The following CBFB variants were observed in gnomAD, a reference collection of about 807,000 sequenced individuals.
The protein encoded by CBFB is CBF-beta.
Under a neutral mutation model 30.4 loss-of-function variants are expected in CBFB, and 9 were observed. The ratio of observed to expected loss-of-function variants is 0.30; its 90% CI spans 0.18 to 0.52. The LOEUF (loss-of-function observed/expected upper bound fraction) is 0.52, where lower values mean the gene tolerates loss of function less well. CBFB is among the 20% of genes least tolerant of loss of function. CBFB has a pLI of 0.97. For missense variants in CBFB, 170 were observed against 244.0 expected (o/e 0.70, Z 2.02); for synonymous variants, 94 against 84.0 (o/e 1.12, Z -0.65).
chr16:67,095,388 G>A lies in CBFB; in HGVS notation c.496-3322G>A, dbSNP rs1425130604. Reference sequence around the variant, plus strand: ...AAAAATTAGCCAGGTGTGGTGCTGCGTGCCTGTAGTTCCAGCTACTTGGGA... The same window carrying A: ...AAAAATTAGCCAGGTGTGGTGCTGCATGCCTGTAGTTCCAGCTACTTGGGA... On this transcript the variant is annotated intron_variant, in intron 5 of 5. Coordinates refer to ENST00000412916, the MANE Select transcript of CBFB (RefSeq NM_022845.3). Among the ~76,000 whole-genome samples the A allele has an allele frequency of 3.9e-5, 6 of 151,936 alleles. 1 individual carries two copies. The South Asian group carries it at 1.0e-3, about 26-fold the overall frequency.
intron 5 of CBFB, among the ~76,000 whole-genome samples, chr16:67,083,441 G>A (rs1236262097): frequency 3.3e-5 from 5 of 151,706 alleles, no homozygotes; most frequent in African/African-American, 9.7e-5. Context: ...GATTACAGGC[G>A]CACACCACCA....
intron 3 of CBFB, among the ~76,000 whole-genome samples, chr16:67,048,358 A>G (rs1966668038): frequency 6.6e-6 from 1 of 152,228 alleles, no homozygotes; most frequent in Admixed American, 6.5e-5. Context: ...GATATGAAGA[A>G]AAAAAGAAAA....
At chr16:67,036,884 A>C in intron 3 of CBFB, 129 bp downstream of exon 3, 1 of 645,578 alleles carries the variant, frequency 1.5e-6, no homozygotes, top group South Asian at 2.0e-5. Context: ...TTTTCATTCC[A>C]TGTTATAAGG....
In CBFB at chr16:67,098,918, A is replaced by T; in HGVS notation, c.*140A>T. On this transcript the variant is annotated 3_prime_UTR_variant, in exon 6 of 6. Transcript: ENST00000412916. The stretch of plus-strand genomic sequence containing the variant: ...TTCTCAACCTTAGGCAGTAATAGAC[A>T]TCACAAACTGCCATGGTTTTGCACT... The T allele has an allele frequency of 1.7e-6, 1 of 582,784 alleles. No homozygotes were observed. 36.1% of individuals were successfully genotyped at this position (582,784 alleles called of 1,614,324 possible).
chr16:67,081,821 C>CTT (rs576128198), intron 4 of CBFB, among the ~76,000 whole-genome samples: 6 of 142,496 alleles, frequency 4.2e-5, no homozygotes, highest in African/African-American at 1.3e-4. Flanking sequence ...GATGCTGTTT[C>CTT]TTTTTTTTTT....
intron 4 of CBFB, among the ~76,000 whole-genome samples, chr16:67,072,418 A>G (rs1961249716): frequency 6.6e-6 from 1 of 150,904 alleles, no homozygotes; most frequent in African/African-American, 2.4e-5. Flanking sequence ...TGTATCTAAT[A>G]TTTTTCTGAA....
At chr16:67,090,151 G>T (rs940908059) in intron 5 of CBFB, among the ~76,000 whole-genome samples, 3 of 152,192 alleles carry the variant, frequency 2.0e-5, no homozygotes, top group Non-Finnish European at 4.4e-5. Context: ...GTAGTGACTA[G>T]AAGTGGGTAT....
At chr16:67,031,273 C>T (rs1597118432) in intron 2 of CBFB, among the ~76,000 whole-genome samples, 1 of 152,150 alleles carries the variant, frequency 6.6e-6, no homozygotes, top group Non-Finnish European at 1.5e-5. Flanking sequence ...GCTTTTAGCC[C>T]ACTTGCAAAT....
intron 3 of CBFB, among the ~76,000 whole-genome samples, chr16:67,053,140 T>A (rs76494751): frequency 0.035 from 5,272 of 152,192 alleles, 307 homozygotes; most frequent in African/African-American, 0.12. Flanking sequence ...TTTTATTTCC[T>A]GTGCATATAT....
chr16:67,082,155 A>T, intron 4 of CBFB, 58 bp from the exon 5 acceptor site: 1 of 1,371,174 alleles, frequency 7.3e-7, no homozygotes, highest in Non-Finnish European at 9.8e-7. Flanking sequence ...ACAAAACCCA[A>T]ATATTGTATT....
chr16:67,055,254 C>G (rs1209607688), intron 3 of CBFB, among the ~76,000 whole-genome samples: 1 of 148,976 alleles, frequency 6.7e-6, no homozygotes, highest in Non-Finnish European at 1.5e-5. Flanking sequence ...CTAATTTATT[C>G]TTAACAGAAG....
Position 67,082,221 on chromosome 16 carries a change from T to G in CBFB, c.408T>G (p.Asp136Glu). 1 of 1,593,320 alleles carries G rather than the reference T, an allele frequency of 6.3e-7. No individual in the cohort carries two copies. The highest frequency in any genetic ancestry group is 8.6e-7 in the Non-Finnish European group (1 of 1,166,680). The stretch of plus-strand genomic sequence containing the variant: ...TTCATGTATTCTGACAGCAGGAGGA[T>G]GCATTAGCACAACAGGCCTTTGAAG... ...EFDEERAQQE[D>E]ALAQQAFEEA... Residue 136 changes from aspartate to glutamate, a missense_variant, in exon 5 of 6, where the codon GAT becomes GAG. Coordinates refer to ENST00000412916, the MANE Select transcript of CBFB (RefSeq NM_022845.3).
At chr16:67,049,362 C>G (rs1480313968) in intron 3 of CBFB, among the ~76,000 whole-genome samples, 2 of 152,012 alleles carry the variant, frequency 1.3e-5, no homozygotes, top group African/African-American at 4.8e-5. Flanking sequence ...TGCCACCACA[C>G]CCGGCTGATT....
At chr16:67,056,586 A>G (rs993470672) in intron 3 of CBFB, among the ~76,000 whole-genome samples, 1 of 151,978 alleles carries the variant, frequency 6.6e-6, no homozygotes, top group Non-Finnish European at 1.5e-5. Flanking sequence ...CATTAACAGC[A>G]TAATGTAAAC....
chr16:67,040,543 A>G (rs189962412), intron 3 of CBFB, among the ~76,000 whole-genome samples: 6 of 152,288 alleles, frequency 3.9e-5, no homozygotes, highest in Non-Finnish European at 7.3e-5. Context: ...GTGTATGTAA[A>G]GTGTTTTGAC....
At chr16:67,073,351 AT>A (rs1317545367) in intron 4 of CBFB, among the ~76,000 whole-genome samples, 1 of 152,150 alleles carries the variant, frequency 6.6e-6, no homozygotes, top group Non-Finnish European at 1.5e-5. Context: ...GTCTCTATTT[AT>A]GATTCTTCTG....
chr16:67,073,240 A>G (rs180749495), intron 4 of CBFB, among the ~76,000 whole-genome samples: 151 of 152,278 alleles, frequency 9.9e-4, no homozygotes, highest in Non-Finnish European at 1.8e-3. Context: ...TTCAGCTGAA[A>G]TATTTTCACA....
At chr16:67,064,774 GTTAT>G (rs779883198) in intron 3 of CBFB, among the ~76,000 whole-genome samples, 4 of 152,060 alleles carry the variant, frequency 2.6e-5, no homozygotes, top group East Asian at 1.9e-4. Context: ...TTATTCTAGA[GTTAT>G]TTATTTACTT....
At chr16:67,052,536 A>G (rs1960584707) in intron 3 of CBFB, among the ~76,000 whole-genome samples, 1 of 151,714 alleles carries the variant, frequency 6.6e-6, no homozygotes, top group South Asian at 2.1e-4. Context: ...TGATGGTGCC[A>G]CTGCAATCCA....
Sources: gnomAD v4.1 joint callset for allele counts (sites outside exome capture counted in the v4.1 genomes callset) on GRCh38, gnomAD v4.1.1 for gene constraint, MANE v1.5 for transcripts, NCBI Gene and HGNC (gene_info 2026-07-23, HGNC 2026-07-21) for gene names.